Variants in SEMA6D observed in about 807,000 individuals in gnomAD.
The protein encoded by SEMA6D is semaphorin 6D, also known as semaphorin-6D.
SEMA6D carries 35 observed loss-of-function variants against 106.6 expected under a neutral mutation model. The ratio of observed to expected loss-of-function variants is 0.33; its 90% CI spans 0.25 to 0.44. The LOEUF is 0.44. Ranked by LOEUF, SEMA6D falls within the 20% of genes least tolerant of loss-of-function variation. The probability of loss-of-function intolerance (pLI) is 1.00; values close to 1 mark genes in which losing one functional copy is unlikely to be tolerated. For synonymous variants in SEMA6D, 499 were observed against 487.7 expected, an observed-to-expected ratio of 1.02 and a Z score of -0.31; for missense variants, 1,185 against 1,345.9, an observed-to-expected ratio of 0.88 and a Z score of 1.87.
intron 2 of SEMA6D, among the ~76,000 whole-genome samples, chr15:47,449,390 G>T (rs928499732): frequency 6.6e-6 from 1 of 152,036 alleles, no homozygotes; most frequent in African/African-American, 2.4e-5. Flanking sequence ...ATACAAGAGG[G>T]TCTGACTGGA....
chr15:47,713,262 G>A (rs1224158351), upstream of SEMA6D, among the ~76,000 whole-genome samples: 5 of 152,144 alleles, frequency 3.3e-5, no homozygotes, highest in African/African-American at 1.2e-4. Flanking sequence ...TAATCAAAAT[G>A]ACTTTAAAAA....
chr15:47,673,868 G>A (rs915585483), intron 4 of SEMA6D, among the ~76,000 whole-genome samples: 6 of 152,144 alleles, frequency 3.9e-5, no homozygotes, highest in Non-Finnish European at 7.4e-5. Flanking sequence ...GTAATGCTAC[G>A]CTTCCATTCC....
chr15:47,447,980 T>C (rs1216693936), intron 2 of SEMA6D, among the ~76,000 whole-genome samples: 2 of 152,174 alleles, frequency 1.3e-5, no homozygotes, highest in Admixed American at 6.5e-5. Flanking sequence ...GTTTTCTTTA[T>C]TGATGGTTGT....
intron 1 of SEMA6D, among the ~76,000 whole-genome samples, chr15:47,228,965 A>G (rs2031999060): frequency 6.6e-6 from 1 of 152,090 alleles, no homozygotes; most frequent in African/African-American, 2.4e-5. Context: ...TGAATGATTT[A>G]TTCAATTAAT....
chr15:47,691,206 A>C (rs1451159129), intron 4 of SEMA6D, among the ~76,000 whole-genome samples: 2 of 152,258 alleles, frequency 1.3e-5, no homozygotes, highest in East Asian at 3.9e-4. Flanking sequence ...CTGTAAAGTT[A>C]CTATTTTTCC....
At chr15:47,275,374 A>G (rs567896498) in intron 1 of SEMA6D, among the ~76,000 whole-genome samples, 15 of 152,278 alleles carry the variant, frequency 9.9e-5, no homozygotes, top group African/African-American at 3.4e-4. Context: ...CACTTTGCAG[A>G]TGTTGCATTT....
chr15:47,223,108 T>G (rs111638496), intron 1 of SEMA6D, among the ~76,000 whole-genome samples: 17 of 150,342 alleles, frequency 1.1e-4, no homozygotes, highest in African/African-American at 4.1e-4. Context: ...GTTAACACAT[T>G]TAGCCTTTAG....
intron 1 of SEMA6D, among the ~76,000 whole-genome samples, chr15:47,313,812 C>T (rs2036536157): frequency 6.6e-6 from 1 of 152,208 alleles, no homozygotes; most frequent in Non-Finnish European, 1.5e-5. Context: ...AATCTTCCTG[C>T]CTTGGCCTCT....
chr15:47,770,726 T>C lies in SEMA6D; in HGVS notation c.2163T>C (p.Phe721=). The change falls in exon 19 of 19, where the codon TTT becomes TTC. Residue 721 remains phenylalanine, a synonymous_variant. Transcript: ENST00000536845. ...SGSFAKLNGL[F]DSPVKEYQQN... is the part of the protein sequence containing the mutation. ...GTTTTGCCAAACTGAATGGTCTCTTTGACAGCCCTGTCAAGGAATACCAAC... is the reference window on the plus strand; with the variant it reads ...GTTTTGCCAAACTGAATGGTCTCTTCGACAGCCCTGTCAAGGAATACCAAC... The C allele has an allele frequency of 6.2e-7, 1 of 1,614,164 alleles. No individual in the cohort carries two copies. Among genetic ancestry groups the C allele is most frequent in the Non-Finnish European group, 8.5e-7 (1 of 1,179,990 alleles).
intron 1 of SEMA6D, among the ~76,000 whole-genome samples, chr15:47,384,813 A>C (rs1048937179): frequency 1.2e-5 from 1 of 86,468 alleles, no homozygotes; most frequent in Non-Finnish European, 2.1e-5. Flanking sequence ...TGATTACTAA[A>C]GTTTTTTTTT....
At chr15:47,372,923 A>G (rs1460779399) in intron 1 of SEMA6D, among the ~76,000 whole-genome samples, 1 of 152,236 alleles carries the variant, frequency 6.6e-6, no homozygotes, top group Non-Finnish European at 1.5e-5. Flanking sequence ...CACAAGAAAC[A>G]TAACTTTAAT....
chr15:47,210,395 G>T (rs547194143), intron 1 of SEMA6D, among the ~76,000 whole-genome samples: 2 of 151,984 alleles, frequency 1.3e-5, no homozygotes, highest in African/African-American at 4.8e-5. Context: ...TTTAGGATAG[G>T]TATACTTGGC....
chr15:47,412,165 A>G (rs1026830989), intron 1 of SEMA6D, among the ~76,000 whole-genome samples: 4 of 152,096 alleles, frequency 2.6e-5, no homozygotes, highest in African/African-American at 7.2e-5. Context: ...TGTTTGCAAT[A>G]GGAACATCCA....
intron 1 of SEMA6D, among the ~76,000 whole-genome samples, chr15:47,203,433 A>G (rs1365500401): frequency 1.3e-5 from 2 of 152,182 alleles, no homozygotes; most frequent in African/African-American, 2.4e-5. Flanking sequence ...CAGATTTTTC[A>G]TCTGTTCTTC....
chr15:47,425,705 C>G (rs1229234868), intron 2 of SEMA6D, among the ~76,000 whole-genome samples: 2 of 147,838 alleles, frequency 1.4e-5, no homozygotes, highest in African/African-American at 5.0e-5. Context: ...GAGTTTCACT[C>G]TGTTACCCGG....
At chr15:47,506,556 G>A (rs1447323833) in intron 3 of SEMA6D, among the ~76,000 whole-genome samples, 1 of 150,540 alleles carries the variant, frequency 6.6e-6, no homozygotes, top group African/African-American at 2.5e-5. Context: ...TGTTATTTTA[G>A]TCTTCAAGGC....
At chr15:47,489,947 C>T (rs939099793) in intron 3 of SEMA6D, among the ~76,000 whole-genome samples, 2 of 151,998 alleles carry the variant, frequency 1.3e-5, no homozygotes, top group African/African-American at 2.4e-5. Context: ...CCACCACTCT[C>T]GGCTGCACAG....
chr15:47,184,845 G>A (rs1454842), intron 1 of SEMA6D, among the ~76,000 whole-genome samples: 48,837 of 152,208 alleles, frequency 0.32, 8,681 homozygotes, highest in East Asian at 0.73. Context: ...ATCCGGGTCG[G>A]CAGCCGGCTG....
chr15:47,417,141 C>T (rs894206714), intron 2 of SEMA6D, among the ~76,000 whole-genome samples: 1 of 151,896 alleles, frequency 6.6e-6, no homozygotes, highest in Non-Finnish European at 1.5e-5. Flanking sequence ...TTATCAACCA[C>T]CTGCAAAAAT....
Sources: gnomAD v4.1 joint callset for allele counts (sites outside exome capture counted in the v4.1 genomes callset) on GRCh38, gnomAD v4.1.1 for gene constraint, MANE v1.5 for transcripts, NCBI Gene and HGNC (gene_info 2026-07-23, HGNC 2026-07-21) for gene names.